RDH16: variants seen among roughly 807,000 people sequenced by gnomAD.
RDH16 encodes the protein human epidermal retinol dehydrogenase.
A neutral mutation model predicts 22.3 loss-of-function variants in RDH16; 25 were observed. The ratio of observed to expected loss-of-function variants is 1.12; its 90% CI spans 0.82 to 1.56. RDH16 has a LOEUF of 1.56. Among genes scored for constraint, RDH16 ranks in the 40% most tolerant of loss-of-function variants. The pLI, the probability that RDH16 is intolerant of heterozygous loss-of-function variation, is 0.00. For synonymous variants in RDH16, 154 were observed against 164.4 expected, an observed-to-expected ratio of 0.94 and a Z score of 0.48; for missense variants, 413 against 394.9, an observed-to-expected ratio of 1.05 and a Z score of -0.39.
intron 2 of RDH16, among the ~76,000 whole-genome samples, chr12:56,954,080 G>A (rs1228746504): frequency 6.6e-6 from 1 of 152,192 alleles, no homozygotes; most frequent in Non-Finnish European, 1.5e-5. Context: ...GGGCCCCAGA[G>A]AGCCATGAAG....
In RDH16 at chr12:56,951,797, G is replaced by A. The variant is rs565300879; in HGVS notation, c.*232C>T. 167 of 562,082 alleles carry A rather than the reference G, an allele frequency of 3.0e-4. No individual in the cohort carries two copies. The highest frequency in any genetic ancestry group is 3.5e-4 in the Non-Finnish European group (109 of 313,418). The allele number at this position is 562,082 out of a possible 1,614,324, so 34.8% of individuals were successfully genotyped here. On this transcript the variant is annotated 3_prime_UTR_variant, in exon 4 of 4. Coordinates refer to ENST00000398138, the MANE Select transcript of RDH16 (RefSeq NM_003708.5). ...CCACCCACGGTGACAATGCACCCAG[G>A]AGCACTATTTGGTCCCTGTTTCTCA...
intron 3 of RDH16, 22 bp from the exon 4 acceptor site, chr12:56,952,268 C>T: frequency 6.2e-7 from 1 of 1,608,094 alleles, no homozygotes; most frequent in Non-Finnish European, 8.5e-7. Context: ...CAGAAACAAT[C>T]CATGTATATT....
chr12:56,952,388 A>C (rs1955889625), intron 3 of RDH16, 142 bp from the exon 4 acceptor site: 4 of 763,114 alleles, frequency 5.2e-6, no homozygotes, highest in Non-Finnish European at 8.5e-6. Context: ...TCTTTTATCC[A>C]AATTCCCTGA....
At chr12:56,953,055 A>C in intron 2 of RDH16, 65 bp from the exon 3 acceptor site, 1 of 1,415,772 alleles carries the variant, frequency 7.1e-7, no homozygotes, top group South Asian at 1.3e-5. Flanking sequence ...ACAAACAATA[A>C]AAGTAAAACT....
chr12:56,953,417 C>G (rs1167567837), intron 2 of RDH16, among the ~76,000 whole-genome samples: 1 of 152,190 alleles, frequency 6.6e-6, no homozygotes, highest in African/African-American at 2.4e-5. Flanking sequence ...CAGTCTGGCT[C>G]CCCACACTTA....
rs1195180113 is a variant in RDH16, at chr12:56,955,115, G to T, written c.363C>A (p.Pro121=). The change falls in exon 2 of 4, where the codon CCC becomes CCA. Residue 121 remains proline (P), a synonymous_variant. Coordinates refer to ENST00000398138, the MANE Select transcript of RDH16 (RefSeq NM_003708.5). The stretch of plus-strand genomic sequence containing the variant: ...AGTCCTGCTTGGTGAGCAACTCATT[G>T]GGAGCCGTGGGCAAGGAGATGCCAG... ...NNAGISLPTA[P]NELLTKQDFV... The T allele has an allele frequency of 6.2e-7, 1 of 1,614,138 alleles. No homozygotes were observed. Among genetic ancestry groups the T allele is most frequent in the Non-Finnish European group, 8.5e-7 (1 of 1,180,030 alleles).
Position 56,957,518 on chromosome 12 carries a change from T to C in RDH16, c.-56A>G. On this transcript the variant is annotated 5_prime_UTR_variant, in exon 1 of 4. Coordinates refer to ENST00000398138, the MANE Select transcript of RDH16 (RefSeq NM_003708.5). ...GTGGGGGAAACCAGAGTCTGGCCTC[T>C]GTTCAGACAGGAGGATTTAAGAACA... is the stretch of plus-strand genomic sequence containing the variant. 6.5e-7 allele frequency: 1 copy of C among 1,536,676 alleles called. No homozygotes were observed. The highest frequency in any genetic ancestry group is 8.8e-7 in the Non-Finnish European group (1 of 1,134,130).
chr12:56,952,836 C>A lies in RDH16; in HGVS notation c.727G>T (p.Val243Phe), dbSNP rs913344919. 3 of 1,612,660 alleles carry A rather than the reference C, an allele frequency of 1.9e-6. No homozygotes were observed. Among genetic ancestry groups the A allele is most frequent in the Admixed American group, 1.7e-5 (1 of 59,788 alleles). ...TCCACAGCTTACTCACAGTCTGCAACAAACTTCTCGCCATAGGCCTCCTTG... is the reference window on the plus strand; with the variant it reads ...TCCACAGCTTACTCACAGTCTGCAAAAAACTTCTCGCCATAGGCCTCCTTG... ...EVKEAYGEKF[V>F]ADYKKSAEQM... The change falls in exon 3 of 4, where the codon GTT becomes TTT. Residue 243 changes from valine (V) to phenylalanine (F), a missense_variant. Transcript: ENST00000398138.
chr12:56,956,983 T>G (rs964212663), intron 1 of RDH16, among the ~76,000 whole-genome samples, 167 bp downstream of exon 1: 2 of 151,960 alleles, frequency 1.3e-5, no homozygotes, highest in Non-Finnish European at 2.9e-5. Context: ...AGGTTAAGGA[T>G]TGAAAAGAGA....
In RDH16 at chr12:56,951,756, T is replaced by C; in HGVS notation, c.*273A>G. On this transcript the variant is annotated 3_prime_UTR_variant, in exon 4 of 4. Coordinates refer to ENST00000398138, the MANE Select transcript of RDH16 (RefSeq NM_003708.5). The stretch of plus-strand genomic sequence containing the variant: ...TTAGCCCAAGGATGGCCCTAGAGGC[T>C]TGGACCCTTGAGTGGCCACCCACGG... 1 of 494,812 alleles carries C rather than the reference T, an allele frequency of 2.0e-6. No individual in the cohort carries two copies. Among genetic ancestry groups the C allele is most frequent in the Non-Finnish European group, 3.7e-6 (1 of 270,976 alleles). The allele number at this position is 494,812 out of a possible 1,614,324, so 30.7% of individuals were successfully genotyped here.
At chr12:56,955,305 G>GTGGTGTT in intron 1 of RDH16, 141 bp from the exon 2 acceptor site, 1 of 999,304 alleles carries the variant, frequency 1.0e-6, no homozygotes, top group Non-Finnish European at 1.5e-6. Flanking sequence ...AAACACCACA[G>GTGGTGTT]TATCACAGGG....
At chr12:56,952,692 T>C in intron 3 of RDH16, 135 bp downstream of exon 3, 2 of 1,110,936 alleles carry the variant, frequency 1.8e-6, no homozygotes, top group Non-Finnish European at 2.5e-6. Flanking sequence ...ATCATGGAAA[T>C]GGGGCTAAAG....
Position 56,955,113 on chromosome 12 carries a change from T to G in RDH16, c.365A>C (p.Asn122Thr). The G allele has an allele frequency of 1.2e-6, 2 of 1,614,086 alleles. No homozygotes were observed. Among genetic ancestry groups the G allele is most frequent in the Middle Eastern group, 1.6e-4 (1 of 6,062 alleles). ...NAGISLPTAP[N>T]ELLTKQDFVT... ...GAAGTCCTGCTTGGTGAGCAACTCATTGGGAGCCGTGGGCAAGGAGATGCC... is the reference window on the plus strand; with the variant it reads ...GAAGTCCTGCTTGGTGAGCAACTCAGTGGGAGCCGTGGGCAAGGAGATGCC... The change falls in exon 2 of 4, where the codon AAT (asparagine) becomes ACT (threonine). Residue 122 changes from asparagine to threonine, a missense_variant. Asn to Thr is a moderately conservative substitution (Grantham distance 65). Coordinates refer to ENST00000398138, the MANE Select transcript of RDH16 (RefSeq NM_003708.5).
Position 56,954,887 on chromosome 12 carries a change from C to T in RDH16, c.572+19G>A, listed in dbSNP as rs1291237848. ...ACAGGAGCAGGAAGACTAGGGTGGG[C>T]CCCATCCCAGACCCATACCTGAGGG... On this transcript the variant is annotated intron_variant, in intron 2 of 3. Transcript: ENST00000398138. The T allele has an allele frequency of 6.2e-7, 1 of 1,613,178 alleles. No individual in the cohort carries two copies. Among genetic ancestry groups the T allele is most frequent in the South Asian group, 1.1e-5 (1 of 91,012 alleles).
chr12:56,954,998 G>A lies in RDH16; in HGVS notation c.480C>T (p.Val160=). The A allele has an allele frequency of 6.2e-7, 1 of 1,614,154 alleles. No individual in the cohort carries two copies. Among genetic ancestry groups the A allele is most frequent in the Admixed American group, 1.7e-5 (1 of 60,026 alleles). Residue 160 remains valine, a synonymous_variant, in exon 2 of 4, where the codon GTC becomes GTT. Transcript: ENST00000398138. ...PLVRRARGRV[V]NVSSVMGRVS... ...CCCGGCCCATGACACTGGAGACGTT[G>A]ACCACACGGCCCCTGGCCCTCCTCA...
chr12:56,957,502 A>T lies in RDH16; in HGVS notation c.-40T>A. The T allele has an allele frequency of 6.4e-7, 1 of 1,569,208 alleles. No individual in the cohort carries two copies. The highest frequency in any genetic ancestry group is 8.7e-7 in the Non-Finnish European group (1 of 1,152,788). On this transcript the variant is annotated 5_prime_UTR_variant, in exon 1 of 4. Transcript: ENST00000398138. ...CAGACACAGACAGGCTGTGGGGGAA[A>T]CCAGAGTCTGGCCTCTGTTCAGACA...
intron 1 of RDH16, 126 bp downstream of exon 1, chr12:56,957,024 T>C: frequency 1.0e-6 from 1 of 959,312 alleles, no homozygotes; most frequent in South Asian, 1.6e-5. Flanking sequence ...AAGTGAGAAA[T>C]ATTAGAAAGC....
At chr12:56,954,329 G>C (rs1038857295) in intron 2 of RDH16, among the ~76,000 whole-genome samples, 6 of 152,226 alleles carry the variant, frequency 3.9e-5, no homozygotes, top group African/African-American at 1.4e-4. Flanking sequence ...GTGTTAGCAA[G>C]CCACATGCCC....
intron 2 of RDH16, among the ~76,000 whole-genome samples, chr12:56,953,776 C>T (rs530567538): frequency 1.3e-5 from 2 of 152,290 alleles, no homozygotes; most frequent in African/African-American, 4.8e-5. Context: ...TTTTCAATCC[C>T]CAGCTCAGAT....
Sources: allele counts gnomAD v4.1 joint callset (sites outside exome capture counted in the v4.1 genomes callset), GRCh38; gene constraint gnomAD v4.1.1; transcripts MANE v1.5; gene names NCBI Gene and HGNC (gene_info 2026-07-23, HGNC 2026-07-21).